The following TBCK variants were observed in gnomAD, a reference collection of about 807,000 sequenced individuals.
TBCK encodes TBC1 domain containing kinase, also known as TBC domain-containing protein kinase-like protein.
TBCK carries 99 observed loss-of-function variants against 113.4 expected under a neutral mutation model. That is an observed-to-expected ratio of 0.87 (90% confidence interval 0.74 to 1.03). TBCK has a LOEUF of 1.03. TBCK is among the 50% of genes least tolerant of loss of function. TBCK has a pLI of 0.00. For synonymous variants in TBCK, 369 were observed against 370.8 expected, an observed-to-expected ratio of 1.00 and a Z score of 0.05; for missense variants, 1,045 against 1,061.3, an observed-to-expected ratio of 0.98 and a Z score of 0.21.
At chr4:106,070,681 C>G (rs979553812) in intron 25 of TBCK, among the ~76,000 whole-genome samples, 1 of 151,848 alleles carries the variant, frequency 6.6e-6, no homozygotes, top group Admixed American at 6.6e-5. Flanking sequence ...GAGGATTCCC[C>G]CTTTTTCTAT....
rs539702335 is a variant in TBCK at position 106,044,808 on chromosome 4, T to C, written c.*1762A>G. The stretch of plus-strand genomic sequence containing the variant: ...GTTAAGTATATCTCAATTTAAAAAG[T>C]AGATGCAAAGAAAAAATAAAATAAA... On this transcript the variant is annotated 3_prime_UTR_variant, in exon 26 of 26. Transcript: ENST00000394708. 1.3e-5 allele frequency: 2 copies of C among 152,200 alleles called. No homozygotes were observed. Among genetic ancestry groups the C allele is most frequent in the Non-Finnish European group, 2.9e-5 (2 of 68,000 alleles). 9.4% of individuals were successfully genotyped at this position (152,200 alleles called of 1,614,324 possible). A position where few individuals can be genotyped will look rare whatever the true frequency, so the allele number is the denominator to read the frequency against.
chr4:106,298,107 T>C (rs968817594), intron 2 of TBCK, among the ~76,000 whole-genome samples: 2 of 152,236 alleles, frequency 1.3e-5, no homozygotes, highest in African/African-American at 4.8e-5. Context: ...AATTTTGTTT[T>C]GTAGCACTTG....
At chr4:106,105,405 A>T (rs1352039908) in intron 24 of TBCK, among the ~76,000 whole-genome samples, 1 of 152,188 alleles carries the variant, frequency 6.6e-6, no homozygotes, top group Non-Finnish European at 1.5e-5. Context: ...TAAGCTGGGG[A>T]AGGAATATAA....
At chr4:106,260,536 T>C in intron 4 of TBCK, 26 bp from the exon 5 acceptor site, 1 of 734,600 alleles carries the variant, frequency 1.4e-6, no homozygotes, top group Non-Finnish European at 2.0e-6. Flanking sequence ...AAAAAAACAC[T>C]ATCAAATAAT....
At chr4:106,229,527 C>G (rs547378520) in intron 19 of TBCK, among the ~76,000 whole-genome samples, 1 of 151,886 alleles carries the variant, frequency 6.6e-6, no homozygotes, top group Non-Finnish European at 1.5e-5. Flanking sequence ...GTTCTTGACA[C>G]CTTTGTTGAA....
chr4:106,281,728 G>A (rs550555319), intron 3 of TBCK, among the ~76,000 whole-genome samples: 5 of 152,138 alleles, frequency 3.3e-5, no homozygotes, highest in East Asian at 1.9e-4. Flanking sequence ...ATTGATTTGC[G>A]TATGTTGAAC....
intron 22 of TBCK, among the ~76,000 whole-genome samples, chr4:106,184,183 C>T (rs958355261): frequency 2.6e-5 from 4 of 151,952 alleles, no homozygotes; most frequent in Non-Finnish European, 4.4e-5. Flanking sequence ...TCTAGCTGCC[C>T]CGTAATATCT....
chr4:106,078,518 A>G (rs1305283726), intron 25 of TBCK, among the ~76,000 whole-genome samples: 1 of 152,172 alleles, frequency 6.6e-6, no homozygotes, highest in East Asian at 1.9e-4. Context: ...CTATGCACAC[A>G]ATTAGGAAAT....
intron 3 of TBCK, among the ~76,000 whole-genome samples, chr4:106,270,311 T>C (rs534782713): frequency 6.6e-6 from 1 of 152,300 alleles, no homozygotes; most frequent in Admixed American, 6.5e-5. Flanking sequence ...ATCTCAAGAT[T>C]GGCTGCATAT....
intron 23 of TBCK, among the ~76,000 whole-genome samples, chr4:106,147,278 G>A (rs1747912399): frequency 6.6e-6 from 1 of 152,058 alleles, no homozygotes; most frequent in Non-Finnish European, 1.5e-5. Flanking sequence ...CCTTTCCAGG[G>A]GATTTCAATT....
intron 3 of TBCK, among the ~76,000 whole-genome samples, chr4:106,278,203 C>G (rs1307315935): frequency 6.6e-6 from 1 of 151,942 alleles, no homozygotes; most frequent in Non-Finnish European, 1.5e-5. Context: ...AAGTACAAAA[C>G]TAAATGAAGT....
At chr4:106,196,301 T>A (rs1007930600) in intron 20 of TBCK, among the ~76,000 whole-genome samples, 2 of 151,702 alleles carry the variant, frequency 1.3e-5, no homozygotes, top group African/African-American at 4.8e-5. Flanking sequence ...AGAGTAAAAA[T>A]CTCCTTTGTC....
intron 23 of TBCK, among the ~76,000 whole-genome samples, chr4:106,124,025 T>C (rs1744814431): frequency 6.6e-6 from 1 of 150,856 alleles, no homozygotes; most frequent in Non-Finnish European, 1.5e-5. Flanking sequence ...CTAAAGAGCT[T>C]CTGCACAGCA....
At chr4:106,236,851 G>T in intron 12 of TBCK, 43 bp from the exon 13 acceptor site, 2 of 1,143,084 alleles carry the variant, frequency 1.7e-6, no homozygotes, top group Non-Finnish European at 2.4e-6. Flanking sequence ...AACATATTGG[G>T]CAGAAACCCT....
chr4:106,231,909 A>G (rs186208850), intron 17 of TBCK, 130 bp from the exon 18 acceptor site: 33 of 815,494 alleles, frequency 4.0e-5, no homozygotes, highest in Non-Finnish European at 5.9e-5. Context: ...CCATCCAGAA[A>G]TATGTTACTT....
intron 23 of TBCK, among the ~76,000 whole-genome samples, chr4:106,143,644 G>A (rs979862984): frequency 1.1e-4 from 17 of 152,162 alleles, no homozygotes; most frequent in Admixed American, 5.9e-4. Context: ...GCCGGGTGCC[G>A]TGGCTCACCC....
At chr4:106,173,874 A>G (rs781371321) in intron 22 of TBCK, among the ~76,000 whole-genome samples, 4 of 149,372 alleles carry the variant, frequency 2.7e-5, no homozygotes, top group Admixed American at 2.0e-4. Context: ...ACCTTGCATT[A>G]TAATTATTGA....
Position 106,042,787 on chromosome 4 carries a change from T to G in TBCK, c.*3783A>C, listed in dbSNP as rs755326917. The G allele has an allele frequency of 6.6e-6, 1 of 152,198 alleles. No individual in the cohort carries two copies. The highest frequency in any genetic ancestry group is 1.9e-4 in the East Asian group (1 of 5,196). The allele number at this position is 152,198 out of a possible 1,614,324, so 9.4% of individuals were successfully genotyped here. A position where few individuals can be genotyped will look rare whatever the true frequency, so the allele number is the denominator to read the frequency against. The stretch of plus-strand genomic sequence containing the variant: ...ATAATTCATTGTTTTCCTTTTAAAG[T>G]GCACTAAAGCCTGTTCTAAATCAGG... On this transcript the variant is annotated 3_prime_UTR_variant, in exon 26 of 26. Coordinates refer to ENST00000394708, the MANE Select transcript of TBCK (RefSeq NM_001163435.3).
chr4:106,253,554 C>A (rs1445791212), intron 5 of TBCK, among the ~76,000 whole-genome samples: 1 of 152,164 alleles, frequency 6.6e-6, no homozygotes, highest in Admixed American at 6.5e-5. Flanking sequence ...TTATACCAAT[C>A]TATACACTTG....
Sources: gnomAD v4.1 joint callset for allele counts (sites outside exome capture counted in the v4.1 genomes callset) on GRCh38, gnomAD v4.1.1 for gene constraint, MANE v1.5 for transcripts, NCBI Gene and HGNC (gene_info 2026-07-23, HGNC 2026-07-21) for gene names.